ATXN1: variants seen among roughly 807,000 people sequenced by gnomAD.
ATXN1 encodes ataxin 1.
ATXN1 carries 8 observed loss-of-function variants against 56.4 expected under a neutral mutation model. That is an observed-to-expected ratio of 0.14 (90% CI 0.08 to 0.26). The LOEUF is 0.26. Ranked by LOEUF, ATXN1 falls within the 10% of genes least tolerant of loss-of-function variation. ATXN1 has a pLI of 1.00. For synonymous variants in ATXN1, 514 were observed against 494.6 expected, an observed-to-expected ratio of 1.04 and a Z score of -0.52; for missense variants, 987 against 1,106.5, an observed-to-expected ratio of 0.89 and a Z score of 1.53.
chr6:16,600,050 A>G (rs1762886359), intron 3 of ATXN1, among the ~76,000 whole-genome samples: 2 of 152,240 alleles, frequency 1.3e-5, no homozygotes, highest in African/African-American at 4.8e-5. Context: ...CACAGCTGCC[A>G]TTATATAATT....
At chr6:16,623,664 A>G (rs907853904) in intron 3 of ATXN1, among the ~76,000 whole-genome samples, 3 of 152,256 alleles carry the variant, frequency 2.0e-5, no homozygotes, top group African/African-American at 7.2e-5. Flanking sequence ...CAAACTAAGA[A>G]TAATCTAGAT....
At chr6:16,759,696 G>A (rs927528286) in intron 1 of ATXN1, among the ~76,000 whole-genome samples, 1 of 151,702 alleles carries the variant, frequency 6.6e-6, no homozygotes, top group African/African-American at 2.4e-5. Context: ...CCTTAGAAAC[G>A]GATTTTTTTT....
intron 3 of ATXN1, among the ~76,000 whole-genome samples, chr6:16,646,993 G>C: frequency 6.6e-6 from 1 of 151,674 alleles, no homozygotes; most frequent in East Asian, 1.9e-4. Context: ...AGGTTTTTTT[G>C]TTTGTTTGTT....
At chr6:16,669,689 T>A (rs1758500030) in intron 2 of ATXN1, among the ~76,000 whole-genome samples, 1 of 121,460 alleles carries the variant, frequency 8.2e-6, no homozygotes, top group South Asian at 2.9e-4. Flanking sequence ...TTTTTTTTTT[T>A]ACTTTAAGTT....
chr6:16,716,300 A>T (rs1759640195), intron 2 of ATXN1, among the ~76,000 whole-genome samples: 2 of 152,206 alleles, frequency 1.3e-5, no homozygotes, highest in Non-Finnish European at 2.9e-5. Flanking sequence ...CAAGCTGGCT[A>T]GTGATTTTGC....
intron 6 of ATXN1, among the ~76,000 whole-genome samples, chr6:16,418,121 C>T (rs1019623327): frequency 1.1e-4 from 17 of 152,014 alleles, no homozygotes; most frequent in African/African-American, 3.4e-4. Context: ...TGTAGAGCTA[C>T]GAAAAGATAT....
At chr6:16,377,625 T>C (rs1428578042) in intron 6 of ATXN1, among the ~76,000 whole-genome samples, 2 of 151,984 alleles carry the variant, frequency 1.3e-5, no homozygotes, top group African/African-American at 4.8e-5. Context: ...GGTAGCTGAA[T>C]GGTGCTCTAA....
At chr6:16,530,937 C>G (rs1761491926) in intron 4 of ATXN1, among the ~76,000 whole-genome samples, 1 of 152,068 alleles carries the variant, frequency 6.6e-6, no homozygotes, top group African/African-American at 2.4e-5. Context: ...TCTTCAACTG[C>G]CAAAACATAC....
chr6:16,603,791 G>T (rs1762953249), intron 3 of ATXN1, among the ~76,000 whole-genome samples: 1 of 152,150 alleles, frequency 6.6e-6, no homozygotes, highest in Non-Finnish European at 1.5e-5. Context: ...AACTGGCCTG[G>T]TGGCTGTGGG....
At chr6:16,314,918 A>G (rs946281735) in intron 7 of ATXN1, among the ~76,000 whole-genome samples, 2 of 152,064 alleles carry the variant, frequency 1.3e-5, no homozygotes, top group African/African-American at 4.8e-5. Flanking sequence ...GCCTCAAAAT[A>G]TTATTGAGGG....
chr6:16,714,413 G>A (rs1205927464), intron 2 of ATXN1, among the ~76,000 whole-genome samples: 3 of 152,106 alleles, frequency 2.0e-5, no homozygotes, highest in Non-Finnish European at 4.4e-5. Context: ...AGGATAGCAA[G>A]TCCCCTGAAG....
intron 6 of ATXN1, among the ~76,000 whole-genome samples, chr6:16,459,410 C>T (rs2137873): frequency 0.081 from 12,260 of 152,110 alleles, 947 homozygotes; most frequent in East Asian, 0.36. Flanking sequence ...TTTAAAAGTT[C>T]GAGGCTTAGT....
chr6:16,750,593 G>A (rs1034948656), intron 2 of ATXN1, among the ~76,000 whole-genome samples: 1 of 152,106 alleles, frequency 6.6e-6, no homozygotes, highest in Non-Finnish European at 1.5e-5. Context: ...AAATGTCAGC[G>A]CTTAAAATTC....
chr6:16,571,036 G>A (rs1762322914), intron 4 of ATXN1, among the ~76,000 whole-genome samples: 1 of 152,204 alleles, frequency 6.6e-6, no homozygotes, highest in African/African-American at 2.4e-5. Context: ...AATCCTTATG[G>A]AGCTCTGTTG....
intron 2 of ATXN1, among the ~76,000 whole-genome samples, chr6:16,700,036 T>G (rs1759248969): frequency 6.6e-6 from 1 of 152,226 alleles, no homozygotes; most frequent in Admixed American, 6.5e-5. Flanking sequence ...AAATAAACTA[T>G]TATTAAGCCA....
At chr6:16,648,971 TATATA>T (rs764853619) in intron 3 of ATXN1, among the ~76,000 whole-genome samples, 131 of 151,762 alleles carry the variant, frequency 8.6e-4, no homozygotes, top group Non-Finnish European at 1.7e-3. Context: ...TATGCATACA[TATATA>T]ATATAAAATA....
At chr6:16,635,122 G>A (rs1763572443) in intron 3 of ATXN1, among the ~76,000 whole-genome samples, 1 of 152,102 alleles carries the variant, frequency 6.6e-6, no homozygotes, top group Admixed American at 6.5e-5. Context: ...AACGGCATGA[G>A]ATTCTCATAG....
At chr6:16,564,963 A>G (rs944802934) in intron 4 of ATXN1, among the ~76,000 whole-genome samples, 2 of 152,224 alleles carry the variant, frequency 1.3e-5, no homozygotes, top group East Asian at 3.8e-4. Context: ...CACGGAATAC[A>G]GAATTCAAGC....
rs192667211 is a variant in ATXN1, at chr6:16,624,626, T to C, written c.-489+33150A>G. On this transcript the variant is annotated intron_variant, in intron 3 of 7. Transcript: ENST00000436367. ...CACCATAGATTGAGCATTGCACCAT[T>C]TTTTTATTTTTATAAGCTATACCAA... Among the ~76,000 whole-genome samples, 59 of 152,310 alleles carry C rather than the reference T, an allele frequency of 3.9e-4. 2 individuals carry two copies. In the East Asian group the frequency reaches 8.3e-3, roughly 21 times the overall value.
Sources: gnomAD v4.1 joint callset for allele counts (sites outside exome capture counted in the v4.1 genomes callset) on GRCh38, gnomAD v4.1.1 for gene constraint, MANE v1.5 for transcripts, NCBI Gene and HGNC (gene_info 2026-07-23, HGNC 2026-07-21) for gene names.